Variants in CREB5 observed in about 807,000 individuals in gnomAD.
CREB5 encodes the protein cAMP responsive element binding protein 5.
Under a neutral mutation model 57.1 loss-of-function variants are expected in CREB5, and 19 were observed. That is an observed-to-expected ratio of 0.33 (90% CI 0.23 to 0.49). CREB5 has a LOEUF of 0.49. Ranked by LOEUF, CREB5 falls within the 20% of genes least tolerant of loss-of-function variation. CREB5 has a pLI of 0.99. For synonymous variants in CREB5, 238 were observed against 238.3 expected (o/e 1.00, Z 0.01); for missense variants, 579 against 671.6 (o/e 0.86, Z 1.52).
At position 28,357,354 on chromosome 7, in the gene CREB5, G is replaced by T. The variant is rs545438658; in HGVS notation, c.-25+57913G>T. On this transcript the variant is annotated intron_variant, in intron 1 of 9. Coordinates refer to the CREB5 transcript ENST00000396299. ...GTTTCTGAGTTTCCTTTCTTTTCTTGCAAGCAGACGTCTTTACTGGGAGAA... is the reference window on the plus strand; with the variant it reads ...GTTTCTGAGTTTCCTTTCTTTTCTTTCAAGCAGACGTCTTTACTGGGAGAA... Among the ~76,000 whole-genome samples, 22 of 152,178 alleles carry T rather than the reference G, an allele frequency of 1.4e-4. No homozygotes were observed. In the East Asian group the frequency reaches 4.2e-3, roughly 29 times the overall value.
At chr7:28,466,687 G>A (rs1466096319) in intron 1 of CREB5, among the ~76,000 whole-genome samples, 2 of 152,118 alleles carry the variant, frequency 1.3e-5, no homozygotes, top group African/African-American at 4.8e-5. Flanking sequence ...GTTCAAGTGA[G>A]TCCAGATTCT....
At chr7:28,627,201 A>G (rs1365866977) in intron 5 of CREB5, among the ~76,000 whole-genome samples, 4 of 152,232 alleles carry the variant, frequency 2.6e-5, no homozygotes, top group African/African-American at 9.6e-5. Flanking sequence ...CAAAATGTCT[A>G]TCACAGTTGC....
At chr7:28,435,457 T>C (rs1231161733) in intron 1 of CREB5, among the ~76,000 whole-genome samples, 1 of 150,768 alleles carries the variant, frequency 6.6e-6, no homozygotes, top group Non-Finnish European at 1.5e-5. Context: ...AGCAAAGTTA[T>C]GATCAGACGT....
Position 28,560,971 on chromosome 7 carries a change from T to TGC in CREB5, c.292-9392_292-9391dup, listed in dbSNP as rs1491558108. ...GTGTGCGTGTGTGTGCGTGTGTGTG[T>TGC]GCGTGTGTGCGTGCGTGTGTGTGCC... On this transcript the variant is annotated intron_variant, in intron 4 of 10. Coordinates refer to ENST00000357727, the MANE Select transcript of CREB5 (RefSeq NM_182898.4). Among the ~76,000 whole-genome samples, 480 of 54,018 alleles carry TGC rather than the reference T, an allele frequency of 8.9e-3. 54 individuals carry two copies. Among genetic ancestry groups the TGC allele is most frequent in the East Asian group, 0.042 (68 of 1,608 alleles). 35.4% of individuals were successfully genotyped at this position (54,018 alleles called of 152,430 possible).
intron 1 of CREB5, among the ~76,000 whole-genome samples, chr7:28,326,966 G>A (rs912377694): frequency 2.0e-5 from 3 of 151,916 alleles, no homozygotes; most frequent in Non-Finnish European, 2.9e-5. Context: ...TGGCCAACAC[G>A]GCGAAACCCT....
chr7:28,453,274 C>T (rs566275575), intron 1 of CREB5, among the ~76,000 whole-genome samples: 4 of 152,104 alleles, frequency 2.6e-5, no homozygotes, highest in African/African-American at 9.6e-5. Flanking sequence ...CCCATCTCTA[C>T]AAAAAATCAA....
At chr7:28,617,853 T>A (rs137957995) in intron 5 of CREB5, among the ~76,000 whole-genome samples, 218 of 152,332 alleles carry the variant, frequency 1.4e-3, no homozygotes, top group African/African-American at 5.0e-3. Flanking sequence ...ACATGATGAA[T>A]ATTTATTGAA....
chr7:28,665,203 G>C (rs1799775549), intron 5 of CREB5, among the ~76,000 whole-genome samples: 1 of 152,170 alleles, frequency 6.6e-6, no homozygotes, highest in Non-Finnish European at 1.5e-5. Context: ...GACCATCAGG[G>C]AGGGCCAAGG....
At chr7:28,421,768 A>G (rs1283556412) in intron 1 of CREB5, among the ~76,000 whole-genome samples, 1 of 16,368 alleles carries the variant, frequency 6.1e-5, no homozygotes, top group Non-Finnish European at 1.2e-4. Flanking sequence ...ATACACACAC[A>G]CTATATATAT....
chr7:28,399,258 C>A (rs1787398127), intron 1 of CREB5, among the ~76,000 whole-genome samples: 1 of 140,224 alleles, frequency 7.1e-6, no homozygotes, highest in African/African-American at 2.9e-5. Context: ...ATAGACAAAG[C>A]TAAAAGTAAA....
At chr7:28,319,103 G>A (rs1780925628) in intron 1 of CREB5, among the ~76,000 whole-genome samples, 2 of 152,090 alleles carry the variant, frequency 1.3e-5, no homozygotes, top group African/African-American at 4.8e-5. Context: ...GGCCTAGAAT[G>A]TACCTTGAGA....
chr7:28,737,538 CGTATATATATATAT>C lies in CREB5; in HGVS notation c.702+13207_702+13220del, dbSNP rs1227478694. ...GTGTGTGTATATATGTATATATATACGTATATATATATATATATATATATATATATATATATATA... is the reference window on the plus strand; with the variant it reads ...GTGTGTGTATATATGTATATATATACATATATATATATATATATATATATA... On this transcript the variant is annotated intron_variant, in intron 7 of 10. Transcript: ENST00000357727. Among the ~76,000 whole-genome samples the C allele has an allele frequency of 1.8e-3, 88 of 47,912 alleles. 3 individuals carry two copies. The highest frequency in any genetic ancestry group is 6.1e-3 in the African/African-American group (61 of 9,976). The allele number at this position is 47,912 out of a possible 152,430, so 31.4% of individuals were successfully genotyped here. A position where few individuals can be genotyped will look rare whatever the true frequency, so the allele number is the denominator to read the frequency against.
At chr7:28,748,904 G>A (rs538247462) in intron 7 of CREB5, among the ~76,000 whole-genome samples, 170 of 152,336 alleles carry the variant, frequency 1.1e-3, no homozygotes, top group Non-Finnish European at 1.8e-3. Flanking sequence ...TCCCAGTGTC[G>A]TAGCTGCTTT....
intron 5 of CREB5, among the ~76,000 whole-genome samples, chr7:28,685,764 A>C (rs1800857656): frequency 6.8e-6 from 1 of 146,988 alleles, no homozygotes; most frequent in African/African-American, 2.5e-5. Flanking sequence ...GAGCTCTCTG[A>C]TGGCAGCTGT....
intron 7 of CREB5, among the ~76,000 whole-genome samples, chr7:28,796,796 T>C (rs1040747991): frequency 3.3e-5 from 5 of 152,302 alleles, no homozygotes; most frequent in Admixed American, 1.3e-4. Context: ...CTTTGTTAGG[T>C]AGATGAAGGC....
At chr7:28,501,000 C>T (rs217503) in intron 3 of CREB5, among the ~76,000 whole-genome samples, 76,455 of 151,946 alleles carry the variant, frequency 0.5, 19,502 homozygotes, top group Non-Finnish European at 0.54. Context: ...CTACCATTTA[C>T]TGCCTTCCCT....
Position 28,354,297 on chromosome 7 carries a change from T to C in CREB5, c.-25+54856T>C, listed in dbSNP as rs533749347. Among the ~76,000 whole-genome samples the C allele has an allele frequency of 3.3e-5, 5 of 152,260 alleles. No homozygotes were observed. In the South Asian group the frequency reaches 8.3e-4, roughly 25 times the overall value. On this transcript the variant is annotated intron_variant, in intron 1 of 9. Transcript: ENST00000396299. ...CTGGGAAAGGCAGACCCACCCTTAA[T>C]CTGGGTGGGCACCATCTAATCAGCT...
chr7:28,474,277 G>T (rs1282776107), intron 1 of CREB5, among the ~76,000 whole-genome samples: 1 of 152,154 alleles, frequency 6.6e-6, no homozygotes. Context: ...TGGACTTCAG[G>T]GTGCGTGCTG....
At chr7:28,771,614 TG>T (rs1197808126) in intron 7 of CREB5, among the ~76,000 whole-genome samples, 1 of 152,132 alleles carries the variant, frequency 6.6e-6, no homozygotes, top group Non-Finnish European at 1.5e-5. Flanking sequence ...TCTCTCTGTG[TG>T]GGGCATTTCA....
Sources: gnomAD v4.1 joint callset for allele counts (sites outside exome capture counted in the v4.1 genomes callset) on GRCh38, gnomAD v4.1.1 for gene constraint, MANE v1.5 for transcripts, NCBI Gene and HGNC (gene_info 2026-07-23, HGNC 2026-07-21) for gene names.